RAPGEF4: variants seen among roughly 807,000 people sequenced by gnomAD.
The protein encoded by RAPGEF4 is RAP guanine-nucleotide-exchange factor (GEF) 4.
A neutral mutation model predicts 147.9 loss-of-function variants in RAPGEF4; 66 were observed. The ratio of observed to expected loss-of-function variants is 0.45; its 90% CI spans 0.37 to 0.55. The LOEUF (loss-of-function observed/expected upper bound fraction) is 0.55. RAPGEF4 is among the 20% of genes least tolerant of loss of function. The pLI, the probability that RAPGEF4 is intolerant of heterozygous loss-of-function variation, is 0.00. For missense variants in RAPGEF4, 1,071 were observed against 1,257.3 expected (o/e 0.85, Z 2.24); for synonymous variants, 419 against 442.7 (o/e 0.95, Z 0.67).
intron 3 of RAPGEF4, among the ~76,000 whole-genome samples, chr2:172,812,455 A>G (rs1460420331): frequency 1.3e-5 from 2 of 152,196 alleles, no homozygotes; most frequent in Non-Finnish European, 2.9e-5. Flanking sequence ...AAGAAATCCA[A>G]TCTTGTGTCT....
At chr2:172,811,909 A>G (rs1688061183) in intron 3 of RAPGEF4, among the ~76,000 whole-genome samples, 1 of 152,244 alleles carries the variant, frequency 6.6e-6, no homozygotes, top group Admixed American at 6.5e-5. Context: ...TTTAAATGTA[A>G]ATAAGGGCTA....
At chr2:172,766,291 C>G (rs562975760) in intron 1 of RAPGEF4, among the ~76,000 whole-genome samples, 3 of 152,250 alleles carry the variant, frequency 2.0e-5, no homozygotes, top group East Asian at 3.9e-4. Context: ...GTGGCTCACA[C>G]CTGTAATGCT....
chr2:172,861,455 T>C (rs1269905499), intron 4 of RAPGEF4, among the ~76,000 whole-genome samples: 1 of 152,172 alleles, frequency 6.6e-6, no homozygotes, highest in Non-Finnish European at 1.5e-5. Context: ...CAGTTGCAAA[T>C]AGAATCCCCT....
chr2:173,052,236 C>G lies in RAPGEF4; in HGVS notation c.*469C>G, dbSNP rs1286378867. The G allele has an allele frequency of 6.5e-6, 1 of 153,428 alleles. No homozygotes were observed. The highest frequency in any genetic ancestry group is 1.5e-5 in the Non-Finnish European group (1 of 68,624). 9.5% of individuals were successfully genotyped at this position (153,428 alleles called of 1,614,324 possible). ...AAGGTGTTGAGGAATCTATAGAAGTCCAAATTATAGGTTGTATTCTTCCAT... is the reference window on the plus strand; with the variant it reads ...AAGGTGTTGAGGAATCTATAGAAGTGCAAATTATAGGTTGTATTCTTCCAT... On this transcript the variant is annotated 3_prime_UTR_variant, in exon 31 of 31. Transcript: ENST00000397081.
intron 1 of RAPGEF4, among the ~76,000 whole-genome samples, chr2:172,781,773 T>C (rs1684706820): frequency 6.6e-6 from 1 of 152,196 alleles, no homozygotes; most frequent in Non-Finnish European, 1.5e-5. Context: ...CAACACCTAA[T>C]ATATAACCTA....
At chr2:172,860,640 C>T (rs1398042418) in intron 4 of RAPGEF4, among the ~76,000 whole-genome samples, 3 of 148,286 alleles carry the variant, frequency 2.0e-5, no homozygotes, top group African/African-American at 7.5e-5. Context: ...ATGAAAAACT[C>T]AGTTATTTGG....
Position 173,030,196 on chromosome 2 carries a change from T to C in RAPGEF4, c.2591T>C (p.Phe864Ser). ...CKEYKNLNSF[F>S]AIVMGLSNVA... Reference sequence around the variant, plus strand: ...GAGTATAAAAATCTGAATTCCTTTTTTGCCATCGTCATGGGACTAAGTAAC... The same window carrying C: ...GAGTATAAAAATCTGAATTCCTTTTCTGCCATCGTCATGGGACTAAGTAAC... Residue 864 changes from phenylalanine (F) to serine (S), a missense_variant, in exon 26 of 31, where the codon TTT becomes TCT. Physicochemically the swap from Phe to Ser is radical, Grantham distance 155 (BLOSUM62 -2). Transcript: ENST00000397081. The C allele has an allele frequency of 6.2e-7, 1 of 1,613,706 alleles. No homozygotes were observed. The highest frequency in any genetic ancestry group is 1.7e-5 in the Admixed American group (1 of 60,028).
At chr2:173,036,765 A>C in intron 29 of RAPGEF4, 73 bp downstream of exon 29, 1 of 1,053,910 alleles carries the variant, frequency 9.5e-7, no homozygotes, top group African/African-American at 1.6e-5. Flanking sequence ...AATAAAGGAA[A>C]TAATTTCCAT....
intron 6 of RAPGEF4, among the ~76,000 whole-genome samples, chr2:172,950,847 G>A (rs1194972738): frequency 6.6e-6 from 1 of 152,158 alleles, no homozygotes; most frequent in African/African-American, 2.4e-5. Context: ...TGATTATATT[G>A]ACTAGATCCA....
At chr2:172,803,265 C>A (rs773419162) in intron 3 of RAPGEF4, among the ~76,000 whole-genome samples, 21 of 152,208 alleles carry the variant, frequency 1.4e-4, no homozygotes, top group Admixed American at 1.0e-3. Context: ...AAACTTCTGC[C>A]TGGACATCCA....
chr2:173,052,723 A>T lies in RAPGEF4; in HGVS notation c.*956A>T, dbSNP rs907709191. Reference sequence around the variant, plus strand: ...GAGTTATTTATTTGCTACATAATAGATACTGTGCCAAATAATTACTTTTTA... The same window carrying T: ...GAGTTATTTATTTGCTACATAATAGTTACTGTGCCAAATAATTACTTTTTA... On this transcript the variant is annotated 3_prime_UTR_variant, in exon 31 of 31. Transcript: ENST00000397081. 1.3e-5 allele frequency: 2 copies of T among 152,662 alleles called. No individual in the cohort carries two copies. Among genetic ancestry groups the T allele is most frequent in the Admixed American group, 1.3e-4 (2 of 15,280 alleles). 9.5% of individuals were successfully genotyped at this position (152,662 alleles called of 1,614,324 possible).
At chr2:172,888,350 T>G (rs1200122843) in intron 4 of RAPGEF4, among the ~76,000 whole-genome samples, 1 of 152,242 alleles carries the variant, frequency 6.6e-6, no homozygotes, top group Non-Finnish European at 1.5e-5. Flanking sequence ...CTCTCCTGTA[T>G]CTCAGTCTGT....
At chr2:172,813,118 G>C (rs1688179867) in intron 3 of RAPGEF4, among the ~76,000 whole-genome samples, 2 of 152,292 alleles carry the variant, frequency 1.3e-5, no homozygotes, top group African/African-American at 4.8e-5. Context: ...TATGGTTGAA[G>C]GAACTGGATT....
At chr2:173,048,676 C>G in intron 30 of RAPGEF4, 22 bp downstream of exon 30, 1 of 1,614,116 alleles carries the variant, frequency 6.2e-7, no homozygotes, top group Non-Finnish European at 8.5e-7. Context: ...GCTGCCACCT[C>G]TTACAATGTA....
At chr2:173,036,895 G>A (rs1684088984) in intron 29 of RAPGEF4, 2 of 458,556 alleles carry the variant, frequency 4.4e-6, no homozygotes, top group Non-Finnish European at 7.8e-6. Flanking sequence ...TATTTGTGTG[G>A]TGGTTCACAG....
intron 1 of RAPGEF4, among the ~76,000 whole-genome samples, chr2:172,760,131 C>G (rs1237022687): frequency 2.0e-5 from 3 of 152,176 alleles, no homozygotes; most frequent in Non-Finnish European, 4.4e-5. Context: ...CAGATAACTG[C>G]TCTACTATGC....
At position 172,983,587 on chromosome 2, in the gene RAPGEF4, T is replaced by C; in HGVS notation, c.1089+7T>C. The C allele has an allele frequency of 2.5e-6, 4 of 1,613,314 alleles. No individual in the cohort carries two copies. The highest frequency in any genetic ancestry group is 3.4e-6 in the Non-Finnish European group (4 of 1,179,814). On this transcript the variant is annotated splice_region_variant and intron_variant, in intron 11 of 30. Transcript: ENST00000397081. ...ATCCCATCTTTCTACCACAGTAAGT[T>C]GTCTCTTAGTTTAGCATGGTTGGAG...
At position 173,036,701 on chromosome 2, in the gene RAPGEF4, A is replaced by T. The variant is rs1190343230; in HGVS notation, c.2853+9A>T. On this transcript the variant is annotated intron_variant, in intron 29 of 30. Coordinates refer to ENST00000397081, the MANE Select transcript of RAPGEF4 (RefSeq NM_007023.4). ...TAAACTTTGAAAAAATGGTATGTGC[A>T]GTATTATAACCTTAACCACAATGTG... 1.3e-6 allele frequency: 2 copies of T among 1,592,076 alleles called. No homozygotes were observed. The highest frequency in any genetic ancestry group is 1.7e-6 in the Non-Finnish European group (2 of 1,162,912).
At chr2:172,999,373 A>C (rs1693683152) in intron 16 of RAPGEF4, among the ~76,000 whole-genome samples, 1 of 152,192 alleles carries the variant, frequency 6.6e-6, no homozygotes, top group South Asian at 2.1e-4. Context: ...GGGTAGGTCC[A>C]CGAAATTTGT....
Sources: gnomAD v4.1 joint callset for allele counts (sites outside exome capture counted in the v4.1 genomes callset) on GRCh38, gnomAD v4.1.1 for gene constraint, MANE v1.5 for transcripts, NCBI Gene and HGNC (gene_info 2026-07-23, HGNC 2026-07-21) for gene names.